The following RNASEH1 variants were observed in gnomAD, a reference collection of about 807,000 sequenced individuals.
The protein encoded by RNASEH1 is ribonuclease H type II.
In RNASEH1, 27 loss-of-function variants were observed where a neutral mutation model predicts 34.6. The ratio of observed to expected loss-of-function variants is 0.78; its 90% confidence interval spans 0.58 to 1.08. RNASEH1 has a LOEUF of 1.08. Ranked by LOEUF, RNASEH1 falls within the 50% of genes least tolerant of loss-of-function variation. The pLI, the probability that RNASEH1 is intolerant of heterozygous loss-of-function variation, is 0.00. For synonymous variants in RNASEH1, 162 were observed against 138.4 expected, an observed-to-expected ratio of 1.17 and a Z score of -1.20; for missense variants, 349 against 373.6, an observed-to-expected ratio of 0.93 and a Z score of 0.54.
downstream of RNASEH1, among the ~76,000 whole-genome samples, chr2:3,539,905 C>T (rs1336791604): frequency 6.6e-6 from 1 of 152,140 alleles, no homozygotes; most frequent in Non-Finnish European, 1.5e-5. Flanking sequence ...TTTACAGTTA[C>T]CCAAGCTGTC....
chr2:3,557,114 C>T (rs1368942698), intron 1 of RNASEH1, among the ~76,000 whole-genome samples: 3 of 152,202 alleles, frequency 2.0e-5, no homozygotes, highest in Admixed American at 6.6e-5. Context: ...CCACACACAT[C>T]TTCTTGCATG....
chr2:3,536,353 C>T, the RNASEH1 span, among the ~76,000 whole-genome samples: 2 of 152,158 alleles, frequency 1.3e-5, no homozygotes, highest in African/African-American at 2.4e-5. Context: ...AAGACCTTCC[C>T]GGACCAAGCT....
chr2:3,548,076 T>A, intron 6 of RNASEH1, 21 bp from the exon 7 acceptor site: 1 of 1,613,798 alleles, frequency 6.2e-7, no homozygotes. Flanking sequence ...GCACGATCAC[T>A]GGTGAGTCAA....
downstream of RNASEH1, among the ~76,000 whole-genome samples, chr2:3,536,556 C>A (rs1219656497): frequency 6.6e-6 from 1 of 152,218 alleles, no homozygotes; most frequent in Non-Finnish European, 1.5e-5. Flanking sequence ...TGTCCACAGG[C>A]CCCACCCCTG....
At chr2:3,532,123 G>A in the RNASEH1 span, 1 of 629,170 alleles carries the variant, frequency 1.6e-6, no homozygotes, top group South Asian at 1.8e-5. Context: ...GGGGAGTTTT[G>A]GGGAATGGAG....
intron 7 of RNASEH1, 95 bp from the exon 8 acceptor site, chr2:3,545,966 T>G: frequency 1.2e-6 from 1 of 859,150 alleles, no homozygotes; most frequent in Non-Finnish European, 2.0e-6. Context: ...CAGAACAGAC[T>G]GCACAGCATA....
chr2:3,558,299 C>G lies in RNASEH1; in HGVS notation c.-39G>C, dbSNP rs757583502. On this transcript the variant is annotated 5_prime_UTR_variant, in exon 1 of 8. Transcript: ENST00000315212. ...CACCGGGAAGCATTTCGACTCCCGG[C>G]CCAGCGTGGGCGCGAGCCGCCGGCG... 1.3e-6 allele frequency: 2 copies of G among 1,500,190 alleles called. No individual in the cohort carries two copies. The highest frequency in any genetic ancestry group is 2.6e-5 in the South Asian group (2 of 76,804). 92.9% of individuals were successfully genotyped at this position (1,500,190 alleles called of 1,614,324 possible).
intron 1 of RNASEH1, among the ~76,000 whole-genome samples, chr2:3,557,470 T>G (rs978887739): frequency 2.0e-5 from 3 of 152,188 alleles, no homozygotes; most frequent in African/African-American, 7.2e-5. Flanking sequence ...AACAAAAAGG[T>G]CAACTTCTGA....
intron 1 of RNASEH1, 39 bp from the exon 2 acceptor site, chr2:3,556,943 C>CT (rs746919083): frequency 4.1e-5 from 58 of 1,402,118 alleles, no homozygotes; most frequent in Middle Eastern, 1.8e-4. Flanking sequence ...TCTTCCTTCT[C>CT]TAACTTATCC....
rs368933743 is a variant in RNASEH1 at position 3,558,278 on chromosome 2, G to A, written c.-18C>T. The A allele has an allele frequency of 2.0e-4, 315 of 1,545,872 alleles. No individual in the cohort carries two copies. The highest frequency in any genetic ancestry group is 7.9e-4 in the Admixed American group (38 of 47,888). On this transcript the variant is annotated 5_prime_UTR_variant, in exon 1 of 8. Coordinates refer to ENST00000315212, the MANE Select transcript of RNASEH1 (RefSeq NM_002936.6). ...CAGCTCATCGCTCACTCCCGGCACC[G>A]GGAAGCATTTCGACTCCCGGCCCAG...
chr2:3,536,279 G>A, the RNASEH1 span, among the ~76,000 whole-genome samples: 2 of 152,240 alleles, frequency 1.3e-5, no homozygotes, highest in Admixed American at 1.3e-4. Flanking sequence ...GGTCGGCCTA[G>A]AGTCAGAGGA....
In RNASEH1 at chr2:3,545,615, C is replaced by G. The variant is rs1353192981; in HGVS notation, c.*170G>C. The G allele has an allele frequency of 6.6e-6, 4 of 604,548 alleles. No individual in the cohort carries two copies. In the Admixed American group the frequency reaches 1.2e-4, roughly 18 times the overall value. 37.4% of individuals were successfully genotyped at this position (604,548 alleles called of 1,614,324 possible). ...ATGTTCAATTTATTATATACTTAAC[C>G]ATTTTTTATAAACACATGTCACAGA... is the stretch of plus-strand genomic sequence containing the variant. On this transcript the variant is annotated 3_prime_UTR_variant, in exon 8 of 8. Coordinates refer to ENST00000315212, the MANE Select transcript of RNASEH1 (RefSeq NM_002936.6).
At chr2:3,539,971 C>T (rs1668204234), downstream of RNASEH1, among the ~76,000 whole-genome samples, 1 of 152,168 alleles carries the variant, frequency 6.6e-6, no homozygotes, top group South Asian at 2.1e-4. Context: ...GCTTCGTGCA[C>T]TTTTGTGCCT....
chr2:3,553,872 G>C (rs1374491185), intron 2 of RNASEH1, among the ~76,000 whole-genome samples: 1 of 152,180 alleles, frequency 6.6e-6, no homozygotes, highest in Non-Finnish European at 1.5e-5. Flanking sequence ...AACCCTCTGG[G>C]CTTCTGTAAA....
At chr2:3,551,809 A>T (rs1406583818) in intron 3 of RNASEH1, among the ~76,000 whole-genome samples, 3 of 152,236 alleles carry the variant, frequency 2.0e-5, no homozygotes, top group African/African-American at 7.2e-5. Flanking sequence ...CTAATCAATT[A>T]TAACAAGCAG....
At chr2:3,557,843 A>C (rs1660670209) in intron 1 of RNASEH1, 1 of 1,409,080 alleles carries the variant, frequency 7.1e-7, no homozygotes, top group Non-Finnish European at 9.5e-7. Flanking sequence ...TTGCACTTTA[A>C]CTGCAACAAA....
At chr2:3,539,586 C>T (rs767216593), downstream of RNASEH1, among the ~76,000 whole-genome samples, 11 of 152,104 alleles carry the variant, frequency 7.2e-5, no homozygotes, top group Non-Finnish European at 1.5e-4. Context: ...CAGATGCAGC[C>T]GGCCCTCCCC....
chr2:3,548,888 A>AT (rs1486502843), intron 5 of RNASEH1, among the ~76,000 whole-genome samples, 164 bp from the exon 6 acceptor site: 1 of 152,168 alleles, frequency 6.6e-6, no homozygotes, highest in Non-Finnish European at 1.5e-5. Context: ...TCTATTTGAA[A>AT]TAAGTTTTTA....
intron 2 of RNASEH1, among the ~76,000 whole-genome samples, chr2:3,555,229 C>A (rs551957218): frequency 6.6e-6 from 1 of 152,254 alleles, no homozygotes; most frequent in Admixed American, 6.5e-5. Flanking sequence ...TAAAAGAAGT[C>A]TCAAGTTCTA....
Sources: allele counts gnomAD v4.1 joint callset (sites outside exome capture counted in the v4.1 genomes callset), GRCh38; gene constraint gnomAD v4.1.1; transcripts MANE v1.5; gene names NCBI Gene and HGNC (gene_info 2026-07-23, HGNC 2026-07-21).